The following ZNF625 variants were observed in gnomAD, a reference collection of about 807,000 sequenced individuals.
ZNF625 encodes zinc finger protein 625.
ZNF625 carries 8 observed loss-of-function variants against 11.1 expected under a neutral mutation model. The ratio of observed to expected loss-of-function variants is 0.72; its 90% CI spans 0.42 to 1.30. The LOEUF is 1.30. Among genes scored for constraint, ZNF625 ranks in the 50% most tolerant of loss-of-function variants. ZNF625 has a pLI of 0.01. For synonymous variants in ZNF625, 145 were observed against 153.4 expected (o/e 0.95, Z 0.41); for missense variants, 349 against 447.6 (o/e 0.78, Z 1.99).
At chr19:12,153,683 CAAA>C (rs71166658) in intron 1 of ZNF625, among the ~76,000 whole-genome samples, 1 of 121,870 alleles carries the variant, frequency 8.2e-6, no homozygotes. Context: ...GTCTCTGTGT[CAAA>C]AAAAAAAAAA....
At chr19:12,150,312 G>A (rs1440102616) in intron 1 of ZNF625, among the ~76,000 whole-genome samples, 3 of 152,106 alleles carry the variant, frequency 2.0e-5, no homozygotes, top group Non-Finnish European at 4.4e-5. Context: ...AGGTAGCTGT[G>A]GGGGTCTCAA....
rs1164134003 is a variant in ZNF625 at position 12,147,881 on chromosome 19, T to C, written c.4-79A>G. ...TCCTATACTCTATTCCTACAAAGTTTCCATGGTGCTATGGACTCCAAACAT... is the reference window on the plus strand; with the variant it reads ...TCCTATACTCTATTCCTACAAAGTTCCCATGGTGCTATGGACTCCAAACAT... On this transcript the variant is annotated intron_variant, in intron 1 of 3. Coordinates refer to ENST00000439556, the MANE Select transcript of ZNF625 (RefSeq NM_145233.4). The C allele has an allele frequency of 1.9e-6, 3 of 1,554,570 alleles. No homozygotes were observed. In the African/African-American group the frequency reaches 4.1e-5, roughly 21 times the overall value.
intron 1 of ZNF625, among the ~76,000 whole-genome samples, chr19:12,149,178 A>G (rs7248932): frequency 0.19 from 28,684 of 150,580 alleles, 3,402 homozygotes; most frequent in African/African-American, 0.34. Flanking sequence ...CCAGCTACTC[A>G]GGAGGCTGAG....
chr19:12,147,915 T>C (rs550506614), intron 1 of ZNF625, 113 bp from the exon 2 acceptor site: 2 of 1,341,224 alleles, frequency 1.5e-6, no homozygotes, highest in Non-Finnish European at 2.0e-6. Flanking sequence ...ATTTATTCCA[T>C]GATCTGGTCA....
intron 2 of ZNF625, 88 bp downstream of exon 2, chr19:12,147,588 G>T: frequency 1.9e-6 from 3 of 1,593,324 alleles, no homozygotes; most frequent in Non-Finnish European, 2.6e-6. Flanking sequence ...ACTATTCCCT[G>T]TCCACACTCC....
At chr19:12,155,062 C>T (rs1409472338) in intron 1 of ZNF625, among the ~76,000 whole-genome samples, 1 of 151,992 alleles carries the variant, frequency 6.6e-6, no homozygotes, top group Non-Finnish European at 1.5e-5. Context: ...CCCATCTCTA[C>T]TAAAAATACA....
At chr19:12,155,308 G>A (rs1050283690) in intron 1 of ZNF625, among the ~76,000 whole-genome samples, 7 of 151,952 alleles carry the variant, frequency 4.6e-5, no homozygotes, top group African/African-American at 1.7e-4. Context: ...GCAAGGCAAG[G>A]GTAAAGTCAC....
rs886948304 is a variant in ZNF625, at chr19:12,145,208, C to T, written c.*89G>A. 4.3e-6 allele frequency: 6 copies of T among 1,396,116 alleles called. No individual in the cohort carries two copies. In the Admixed American group the frequency reaches 1.4e-4, roughly 32 times the overall value. The allele number at this position is 1,396,116 out of a possible 1,614,324, so 86.5% of individuals were successfully genotyped here. On this transcript the variant is annotated 3_prime_UTR_variant, in exon 4 of 4. Coordinates refer to ENST00000439556, the MANE Select transcript of ZNF625 (RefSeq NM_145233.4). ...CAAATGACAGTGACTGCAGAAGCTT[C>T]AGAATAATTTTGCGATGGTTCCCAT... is the stretch of plus-strand genomic sequence containing the variant.
At position 12,145,943 on chromosome 19, in the gene ZNF625, G is replaced by T; in HGVS notation, c.473C>A (p.Thr158Asn). The T allele has an allele frequency of 1.2e-6, 2 of 1,614,208 alleles. No homozygotes were observed. The highest frequency in any genetic ancestry group is 1.7e-6 in the Non-Finnish European group (2 of 1,180,046). ...PYFRTHEWAHTGGKPYDCEEC... is the reference protein window; with the variant it reads ...PYFRTHEWAHNGGKPYDCEEC... Reference sequence around the variant, plus strand: ...CTCACAATCATAAGGTTTCCCCCCAGTGTGAGCCCATTCATGTGTTCGAAA... The same window carrying T: ...CTCACAATCATAAGGTTTCCCCCCATTGTGAGCCCATTCATGTGTTCGAAA... Residue 158 changes from threonine to asparagine, a missense_variant, in exon 4 of 4, where the codon ACT becomes AAT. Physicochemically the swap from Thr to Asn is moderately conservative, Grantham distance 65. Transcript: ENST00000439556.
At chr19:12,148,623 A>T (rs75777850) in intron 1 of ZNF625, among the ~76,000 whole-genome samples, 5 of 138,288 alleles carry the variant, frequency 3.6e-5, no homozygotes, top group African/African-American at 8.0e-5. Context: ...TATAACTACC[A>T]TTTTTTTTTT....
chr19:12,148,508 A>G (rs271198), intron 1 of ZNF625, among the ~76,000 whole-genome samples: 145,587 of 152,226 alleles, frequency 0.96, 69,644 homozygotes, highest in East Asian at 1. Context: ...GAAATGGTGT[A>G]AGAGAACACC....
chr19:12,145,705 A>G lies in ZNF625; in HGVS notation c.711T>C (p.His237=). 1.2e-6 allele frequency: 2 copies of G among 1,614,080 alleles called. No individual in the cohort carries two copies. The highest frequency in any genetic ancestry group is 2.2e-5 in the East Asian group (1 of 44,884). ...AFSHSGSLRI[H]ERTHTGEKPY... Reference sequence around the variant, plus strand: ...GCTTCTCTCCAGTGTGAGTTCTTTCATGTATTCGAAGGCTACCAGAATGAC... The same window carrying G: ...GCTTCTCTCCAGTGTGAGTTCTTTCGTGTATTCGAAGGCTACCAGAATGAC... Residue 237 remains histidine, a synonymous_variant, in exon 4 of 4, where the codon CAT becomes CAC. Transcript: ENST00000439556.
At position 12,145,019 on chromosome 19, in the gene ZNF625, T is replaced by C; in HGVS notation, c.*278A>G. 1 of 346,234 alleles carries C rather than the reference T, an allele frequency of 2.9e-6. No individual in the cohort carries two copies. The highest frequency in any genetic ancestry group is 5.2e-6 in the Non-Finnish European group (1 of 192,128). 21.4% of individuals were successfully genotyped at this position (346,234 alleles called of 1,614,324 possible). ...ATGAGCCACTGCACCCGGCCAAACC[T>C]CGTATTTTTTTTATGACAGAACTGT... On this transcript the variant is annotated 3_prime_UTR_variant, in exon 4 of 4. Transcript: ENST00000439556.
chr19:12,146,989 C>T (rs1244055818), intron 3 of ZNF625, among the ~76,000 whole-genome samples: 3 of 105,534 alleles, frequency 2.8e-5, no homozygotes, highest in Admixed American at 8.7e-5. Context: ...TTTTTTGAGA[C>T]GGAGTCTCGC....
intron 1 of ZNF625, among the ~76,000 whole-genome samples, chr19:12,153,222 G>C (rs1432968806): frequency 3.3e-5 from 5 of 151,816 alleles, no homozygotes; most frequent in Non-Finnish European, 5.9e-5. Flanking sequence ...GCGGTGGCAG[G>C]AGCCTGTAAT....
At position 12,153,910 on chromosome 19, in the gene ZNF625, C is replaced by T. The variant is rs1976993394; in HGVS notation, c.3+2646G>A. Among the ~76,000 whole-genome samples the T allele has an allele frequency of 2.0e-5, 3 of 149,658 alleles. No individual in the cohort carries two copies. In the South Asian group the frequency reaches 6.3e-4, roughly 32 times the overall value. ...GCAAGCTCTCCCTCCCGGGTTCACG[C>T]CATTCTCCTGCCTCAGCCTCCCGAG... On this transcript the variant is annotated intron_variant, in intron 1 of 3. Coordinates refer to ENST00000439556, the MANE Select transcript of ZNF625 (RefSeq NM_145233.4).
rs553261261 is a variant in ZNF625 at position 12,145,009 on chromosome 19, C to T, written c.*288G>A. Reference sequence around the variant, plus strand: ...GATTATAGGCATGAGCCACTGCACCCGGCCAAACCTCGTATTTTTTTTATG... The same window carrying T: ...GATTATAGGCATGAGCCACTGCACCTGGCCAAACCTCGTATTTTTTTTATG... On this transcript the variant is annotated 3_prime_UTR_variant, in exon 4 of 4. Transcript: ENST00000439556. 7 of 317,546 alleles carry T rather than the reference C, an allele frequency of 2.2e-5. No homozygotes were observed. Among genetic ancestry groups the T allele is most frequent in the East Asian group, 1.9e-4 (3 of 16,090 alleles). 19.7% of individuals were successfully genotyped at this position (317,546 alleles called of 1,614,324 possible).
intron 1 of ZNF625, among the ~76,000 whole-genome samples, chr19:12,156,050 G>C (rs905313050): frequency 6.6e-6 from 1 of 152,054 alleles, no homozygotes; most frequent in Non-Finnish European, 1.5e-5. Flanking sequence ...AGAAACTAGG[G>C]TCTCGGTATG....
At position 12,145,556 on chromosome 19, in the gene ZNF625, A is replaced by G. The variant is rs140229429; in HGVS notation, c.860T>C (p.Phe287Ser). Residue 287 changes from phenylalanine to serine, a missense_variant, in exon 4 of 4, where the codon TTC becomes TCC. Transcript: ENST00000439556. ...CKQCGKAFVS[F>S]NSVRYHERTH... ...TCTTTCATGATATCGAACGGAATTG[A>G]AAGAAACAAAGGCTTTCCCACACTG... The G allele has an allele frequency of 1.7e-4, 268 of 1,607,572 alleles. No homozygotes were observed. The highest frequency in any genetic ancestry group is 2.2e-4 in the Non-Finnish European group (260 of 1,174,516).
Sources: allele counts gnomAD v4.1 joint callset (sites outside exome capture counted in the v4.1 genomes callset), GRCh38; gene constraint gnomAD v4.1.1; transcripts MANE v1.5; gene names NCBI Gene and HGNC (gene_info 2026-07-23, HGNC 2026-07-21).